Variants in RIMS2 observed in about 807,000 individuals in gnomAD.
RIMS2 encodes the protein regulating synaptic membrane exocytosis protein 2.
RIMS2 carries 59 observed loss-of-function variants against 174.4 expected under a neutral mutation model. The observed-to-expected ratio is 0.34, with a 90% CI of 0.27 to 0.42. RIMS2 has a LOEUF of 0.42. RIMS2 is among the 10% of genes least tolerant of loss of function. The probability of loss-of-function intolerance (pLI) is 1.00; values close to 1 mark genes in which losing one functional copy is unlikely to be tolerated. For missense variants in RIMS2, 1,620 were observed against 1,666.3 expected, an observed-to-expected ratio of 0.97 and a Z score of 0.48; for synonymous variants, 606 against 572.5, an observed-to-expected ratio of 1.06 and a Z score of -0.84.
chr8:104,136,661 G>A (rs1037311150), intron 19 of RIMS2, among the ~76,000 whole-genome samples: 4 of 152,118 alleles, frequency 2.6e-5, no homozygotes, highest in African/African-American at 7.2e-5. Flanking sequence ...CATGGATAGA[G>A]CTGGAGGCCA....
At chr8:103,734,721 T>C (rs1591337215) in intron 2 of RIMS2, among the ~76,000 whole-genome samples, 2 of 152,254 alleles carry the variant, frequency 1.3e-5, no homozygotes, top group African/African-American at 2.4e-5. Context: ...AAGTCTAGCA[T>C]GTCTGAAGCG....
Position 103,956,893 on chromosome 8 carries a change from A to G in RIMS2, c.2702-4172A>G, listed in dbSNP as rs771924497. Among the ~76,000 whole-genome samples the G allele has an allele frequency of 1.3e-5, 2 of 152,228 alleles. 1 individual carries two copies. The highest frequency in any genetic ancestry group is 2.9e-5 in the Non-Finnish European group (2 of 68,034). On this transcript the variant is annotated intron_variant, in intron 14 of 23. Coordinates refer to ENST00000504942, the Ensembl canonical transcript of RIMS2. The stretch of plus-strand genomic sequence containing the variant: ...TATCCAGAATCTACAAAGAACTTAA[A>G]CAGATTTACAAGAAAAAAACAAACA...
At chr8:103,602,839 G>A (rs1408931155) in intron 1 of RIMS2, among the ~76,000 whole-genome samples, 1 of 152,072 alleles carries the variant, frequency 6.6e-6, no homozygotes, top group Non-Finnish European at 1.5e-5. Context: ...TGGGATTGCT[G>A]GGTCAAATGG....
At chr8:104,149,559 T>A (rs893904475) in intron 19 of RIMS2, among the ~76,000 whole-genome samples, 1 of 152,060 alleles carries the variant, frequency 6.6e-6, no homozygotes, top group Non-Finnish European at 1.5e-5. Context: ...CAATGTCTTT[T>A]TTCAAATGGG....
In RIMS2 at chr8:104,046,967, T is replaced by C. The variant is rs181721815; in HGVS notation, c.3334+32352T>C. 1.7e-3 allele frequency among the ~76,000 whole-genome samples: 256 copies of C among 152,192 alleles called. 2 individuals are homozygous for C. The highest frequency in any genetic ancestry group is 7.9e-3 in the East Asian group (41 of 5,188). ...ATCTAAACAAAAGTCTCAAATGAAA[T>C]ATATGTACGTATAATATAAAAATAT... On this transcript the variant is annotated intron_variant, in intron 19 of 23. Transcript: ENST00000504942.
intron 19 of RIMS2, among the ~76,000 whole-genome samples, chr8:104,022,890 C>T (rs2096142366): frequency 6.6e-6 from 1 of 152,100 alleles, no homozygotes; most frequent in Non-Finnish European, 1.5e-5. Context: ...ATAGTTGAAC[C>T]TAGAAATTAA....
At chr8:104,019,474 C>T in intron 19 of RIMS2, among the ~76,000 whole-genome samples, 1 of 151,970 alleles carries the variant, frequency 6.6e-6, no homozygotes, top group East Asian at 1.9e-4. Flanking sequence ...ATATATTGTA[C>T]ATAAGATATA....
intron 1 of RIMS2, among the ~76,000 whole-genome samples, chr8:103,537,382 T>C (rs1840312903): frequency 6.6e-6 from 1 of 152,224 alleles, no homozygotes; most frequent in Non-Finnish European, 1.5e-5. Context: ...TTAGAATAGT[T>C]CAAAATGTAT....
chr8:103,686,596 T>C (rs118119301), intron 1 of RIMS2, among the ~76,000 whole-genome samples: 6,170 of 152,294 alleles, frequency 0.041, 167 homozygotes, highest in Middle Eastern at 0.071. Flanking sequence ...ATTGCTTGAA[T>C]TTAAAATGTG....
At chr8:103,880,804 A>T (rs1203543531) in intron 3 of RIMS2, 1 of 376,750 alleles carries the variant, frequency 2.7e-6, no homozygotes, top group African/African-American at 2.1e-5. Flanking sequence ...AATTATAGAA[A>T]CGGGCCTTTG....
At chr8:104,214,066 T>C (rs915213832) in intron 19 of RIMS2, among the ~76,000 whole-genome samples, 1 of 152,158 alleles carries the variant, frequency 6.6e-6, no homozygotes, top group Non-Finnish European at 1.5e-5. Context: ...GGGTTTGAAA[T>C]GTTATTCCAT....
chr8:103,716,775 T>C (rs1422665295), intron 2 of RIMS2, among the ~76,000 whole-genome samples: 1 of 152,204 alleles, frequency 6.6e-6, no homozygotes, highest in Non-Finnish European at 1.5e-5. Context: ...TATTTGGCAG[T>C]TGATTATAAG....
At chr8:103,600,569 C>T (rs1171849052) in intron 1 of RIMS2, among the ~76,000 whole-genome samples, 1 of 152,150 alleles carries the variant, frequency 6.6e-6, no homozygotes, top group Non-Finnish European at 1.5e-5. Context: ...CCATGCCTGG[C>T]TCACATTTTC....
chr8:103,501,119 C>A, intron 1 of RIMS2, 57 bp downstream of exon 1: 1 of 1,371,108 alleles, frequency 7.3e-7, no homozygotes, highest in African/African-American at 1.5e-5. Flanking sequence ...CCCTCGCCCA[C>A]TGCCCTGCGG....
At chr8:103,885,155 C>A in intron 3 of RIMS2, 143 bp from the exon 7 acceptor site, 1 of 1,208,258 alleles carries the variant, frequency 8.3e-7, no homozygotes, top group Non-Finnish European at 1.1e-6. Context: ...CTACTAAAAC[C>A]ATTGTTACGC....
chr8:103,920,443 G>C (rs1159193065), intron 9 of RIMS2, among the ~76,000 whole-genome samples: 1 of 152,086 alleles, frequency 6.6e-6, no homozygotes, highest in Admixed American at 6.6e-5. Context: ...TTAGTAGAAA[G>C]CTTTCATTCT....
chr8:103,734,014 CTTTTTTTTTTTTTTTTTT>C, intron 2 of RIMS2, among the ~76,000 whole-genome samples: 1 of 85,736 alleles, frequency 1.2e-5, no homozygotes, highest in Non-Finnish European at 2.0e-5. Context: ...CTAAAAGCTT[CTTTTTTTTTTTTTTTTTT>C]TTTTTTTCCC....
intron 8 of RIMS2, 44 bp from the exon 12 acceptor site, chr8:103,918,397 G>A (rs780934554): frequency 1.6e-6 from 2 of 1,287,872 alleles, no homozygotes; most frequent in East Asian, 4.7e-5. Context: ...TGCATTAATT[G>A]TTGAAACAGT....
chr8:104,080,670 T>C (rs2097399645), intron 19 of RIMS2, among the ~76,000 whole-genome samples: 1 of 152,094 alleles, frequency 6.6e-6, no homozygotes, highest in African/African-American at 2.4e-5. Flanking sequence ...TCAATTTAGT[T>C]CAGCTAATTA....
Sources: gnomAD v4.1 joint callset for allele counts (sites outside exome capture counted in the v4.1 genomes callset) on GRCh38, gnomAD v4.1.1 for gene constraint, MANE v1.5 for transcripts, NCBI Gene and HGNC (gene_info 2026-07-23, HGNC 2026-07-21) for gene names.